The following RBL1 variants were observed in gnomAD, a reference collection of about 807,000 sequenced individuals.
The protein encoded by RBL1 is retinoblastoma-like protein 1.
A neutral mutation model predicts 123.0 loss-of-function variants in RBL1; 82 were observed. The ratio of observed to expected loss-of-function variants is 0.67; its 90% CI spans 0.56 to 0.80. The LOEUF (loss-of-function observed/expected upper bound fraction) is 0.80. Ranked by LOEUF, RBL1 falls within the 30% of genes least tolerant of loss-of-function variation. RBL1 has a pLI of 0.00. For synonymous variants in RBL1, 405 were observed against 441.3 expected (o/e 0.92, Z 1.03); for missense variants, 1,171 against 1,299.6 (o/e 0.90, Z 1.52).
intron 11 of RBL1, among the ~76,000 whole-genome samples, chr20:37,052,492 C>T (rs536649492): frequency 4.0e-5 from 6 of 151,822 alleles, no homozygotes; most frequent in South Asian, 2.1e-4. Flanking sequence ...CCACCATACC[C>T]GGCTAATTTT....
chr20:37,013,002 G>A, intron 19 of RBL1, among the ~76,000 whole-genome samples: 1 of 152,204 alleles, frequency 6.6e-6, no homozygotes, highest in Admixed American at 6.5e-5. Flanking sequence ...CACCCCGTTG[G>A]GGAGGTGAGG....
chr20:37,000,879 C>T (rs1371806499), intron 21 of RBL1, among the ~76,000 whole-genome samples: 2 of 145,028 alleles, frequency 1.4e-5, no homozygotes, highest in African/African-American at 5.1e-5. Context: ...GGCCAGCCGC[C>T]CCGTCCAGGA....
At chr20:37,031,927 A>G (rs2146245860) in intron 16 of RBL1, among the ~76,000 whole-genome samples, 1 of 144,022 alleles carries the variant, frequency 6.9e-6, no homozygotes, top group East Asian at 2.0e-4. Flanking sequence ...TTTTTTTTTA[A>G]AATAGAGATA....
At chr20:37,089,629 G>A (rs1301143868) in intron 1 of RBL1, among the ~76,000 whole-genome samples, 2 of 150,932 alleles carry the variant, frequency 1.3e-5, no homozygotes, top group Non-Finnish European at 2.9e-5. Flanking sequence ...AGGCAGCTGA[G>A]CGAGATCCTG....
chr20:37,035,555 TA>T, intron 14 of RBL1, 47 bp from the exon 15 acceptor site: 2 of 1,422,658 alleles, frequency 1.4e-6, no homozygotes, highest in South Asian at 2.9e-5. Context: ...TCCAAAATAA[TA>T]AATTAGGTTT....
At chr20:37,079,470 T>TA (rs1158907305) in intron 2 of RBL1, among the ~76,000 whole-genome samples, 1 of 147,330 alleles carries the variant, frequency 6.8e-6, no homozygotes, top group African/African-American at 2.5e-5. Context: ...AAAGCATTTT[T>TA]TTTTTTTTTT....
chr20:37,082,498 ACTCT>A (rs35947185), intron 2 of RBL1, among the ~76,000 whole-genome samples: 80 of 150,426 alleles, frequency 5.3e-4, no homozygotes, highest in Middle Eastern at 3.4e-3. Flanking sequence ...ACACACACAC[ACTCT>A]CTCTCTCTCT....
chr20:37,012,703 C>T (rs1338543212), intron 19 of RBL1, among the ~76,000 whole-genome samples: 1 of 149,418 alleles, frequency 6.7e-6, no homozygotes, highest in African/African-American at 2.5e-5. Flanking sequence ...GGGGGTCAAC[C>T]CCCGCCAGGC....
intron 18 of RBL1, among the ~76,000 whole-genome samples, chr20:37,019,309 A>G (rs1332693039): frequency 6.6e-6 from 1 of 152,116 alleles, no homozygotes; most frequent in Non-Finnish European, 1.5e-5. Context: ...CCCTGCCCCT[A>G]AACTATTTCT....
At chr20:37,020,837 A>G (rs1568829928) in intron 17 of RBL1, 107 bp from the exon 18 acceptor site, 2 of 687,288 alleles carry the variant, frequency 2.9e-6, no homozygotes, top group Non-Finnish European at 4.9e-6. Flanking sequence ...GCAGAAAACC[A>G]TTAACCCCAG....
Position 37,061,226 on chromosome 20 carries a change from T to C in RBL1, c.1127A>G (p.Tyr376Cys). 6.2e-7 allele frequency: 1 copy of C among 1,614,094 alleles called. No homozygotes were observed. Among genetic ancestry groups the C allele is most frequent in the Non-Finnish European group, 8.5e-7 (1 of 1,180,004 alleles). Residue 376 changes from tyrosine to cysteine, a missense_variant, in exon 9 of 22, where the codon TAT (tyrosine) becomes TGT (cysteine). Coordinates refer to ENST00000373664, the MANE Select transcript of RBL1 (RefSeq NM_002895.5). Reference sequence around the variant, plus strand: ...AATGACTGCTTCTTTTTCTCGTAAATATCTCCGTCCGGTCAGTGGGGTAGA... The same window carrying C: ...AATGACTGCTTCTTTTTCTCGTAAACATCTCCGTCCGGTCAGTGGGGTAGA... ...APSTPLTGRR[Y>C]LREKEAVITP...
In RBL1 at chr20:37,079,086, C is replaced by G. The variant is rs563658654; in HGVS notation, c.290+9903G>C. ...GCATGATGGTGTGTACCTGTTAAGTCCCAGCTACTTGGGAGGGTGAGGTGG... is the reference window on the plus strand; with the variant it reads ...GCATGATGGTGTGTACCTGTTAAGTGCCAGCTACTTGGGAGGGTGAGGTGG... On this transcript the variant is annotated intron_variant, in intron 2 of 21. Coordinates refer to ENST00000373664, the MANE Select transcript of RBL1 (RefSeq NM_002895.5). 3.3e-5 allele frequency among the ~76,000 whole-genome samples: 5 copies of G among 151,654 alleles called. No individual in the cohort carries two copies. The South Asian group carries it at 1.0e-3, about 32-fold the overall frequency.
At chr20:37,007,016 G>A (rs1335465816) in intron 20 of RBL1, among the ~76,000 whole-genome samples, 1 of 151,506 alleles carries the variant, frequency 6.6e-6, no homozygotes, top group Non-Finnish European at 1.5e-5. Context: ...GGAGGCTGAG[G>A]TGGGTAGATT....
intron 14 of RBL1, among the ~76,000 whole-genome samples, chr20:37,038,047 AG>A: frequency 7.2e-6 from 1 of 138,424 alleles, no homozygotes; most frequent in South Asian, 2.2e-4. Context: ...GCTGGAGTAC[AG>A]TGGTGCGATC....
At chr20:37,088,848 G>T in intron 2 of RBL1, 141 bp downstream of exon 2, 1 of 489,692 alleles carries the variant, frequency 2.0e-6, no homozygotes, top group Non-Finnish European at 2.9e-6. Context: ...GGCTGGCACA[G>T]TGAGACTGCG....
At chr20:37,001,244 C>A (rs1166015470) in intron 21 of RBL1, among the ~76,000 whole-genome samples, 4 of 151,966 alleles carry the variant, frequency 2.6e-5, no homozygotes, top group Non-Finnish European at 5.9e-5. Context: ...CCGGCCACCA[C>A]CCCGTCTGGG....
intron 8 of RBL1, 63 bp downstream of exon 8, chr20:37,062,021 A>G (rs1185811114): frequency 1.4e-6 from 2 of 1,436,524 alleles, no homozygotes; most frequent in Admixed American, 2.3e-5. Context: ...TTCTGCTGTT[A>G]GTAGAATCAC....
chr20:37,091,144 G>A (rs1192785442), intron 1 of RBL1, among the ~76,000 whole-genome samples: 3 of 151,814 alleles, frequency 2.0e-5, no homozygotes, highest in Non-Finnish European at 4.4e-5. Flanking sequence ...ATCACCTGAG[G>A]TCAGGAGTTT....
intron 11 of RBL1, among the ~76,000 whole-genome samples, chr20:37,048,264 A>G (rs2064848395): frequency 6.6e-6 from 1 of 152,180 alleles, no homozygotes; most frequent in Non-Finnish European, 1.5e-5. Flanking sequence ...GTGATCTGAA[A>G]GTCTTAGGAT....
Sources: gnomAD v4.1 joint callset for allele counts (sites outside exome capture counted in the v4.1 genomes callset) on GRCh38, gnomAD v4.1.1 for gene constraint, MANE v1.5 for transcripts, NCBI Gene and HGNC (gene_info 2026-07-23, HGNC 2026-07-21) for gene names.